Variants in WDR3 observed in about 807,000 individuals in gnomAD.
WDR3 encodes WD repeat-containing protein 3.
A neutral mutation model predicts 123.7 loss-of-function variants in WDR3; 81 were observed. The observed-to-expected ratio is 0.65, with a 90% CI of 0.55 to 0.79. The LOEUF is 0.79. Among genes scored for constraint, WDR3 ranks in the 30% least tolerant of loss-of-function variants. The pLI is 0.00. For synonymous variants in WDR3, 390 were observed against 388.8 expected, an observed-to-expected ratio of 1.00 and a Z score of -0.04; for missense variants, 1,027 against 1,123.2, an observed-to-expected ratio of 0.91 and a Z score of 1.22.
rs183709573 is a variant in WDR3, at chr1:117,954,130, C to T, written c.2361+31C>T. 6.2e-5 allele frequency: 97 copies of T among 1,556,174 alleles called. No individual in the cohort carries two copies. The African/African-American group carries it at 1.0e-3, about 17-fold the overall frequency. ...AAGAGAGTACAGTAAGTTACAGTATCAATAAAGGGAATTCCCAAGGAGAAA... is the reference window on the plus strand; with the variant it reads ...AAGAGAGTACAGTAAGTTACAGTATTAATAAAGGGAATTCCCAAGGAGAAA... On this transcript the variant is annotated intron_variant, in intron 22 of 26. Transcript: ENST00000349139.
At chr1:117,957,485 A>AG (rs1363313191) in intron 25 of WDR3, among the ~76,000 whole-genome samples, 1 of 152,218 alleles carries the variant, frequency 6.6e-6, no homozygotes, top group Admixed American at 6.5e-5. Context: ...ACTCAGTCAT[A>AG]GGCCTCCATG....
Position 117,961,946 on chromosome 1 carries a change from T to C in WDR3, c.*2499T>C, listed in dbSNP as rs1388442555. On this transcript the variant is annotated 3_prime_UTR_variant, in exon 27 of 27. Transcript: ENST00000349139. ...AATTTTTTATGAGAACAGAAGTTGA[T>C]TCAATATCCTTCTTAGAGTTGCTCA... 1 of 152,030 alleles carries C rather than the reference T, an allele frequency of 6.6e-6. No homozygotes were observed. Among genetic ancestry groups the C allele is most frequent in the Non-Finnish European group, 1.5e-5 (1 of 68,002 alleles). 9.4% of individuals were successfully genotyped at this position (152,030 alleles called of 1,614,324 possible).
In WDR3 at chr1:117,952,530, T is replaced by G. The variant is rs2295630; in HGVS notation, c.2019T>G (p.Gly673=). The change falls in exon 19 of 27, where the codon GGT becomes GGG. Residue 673 remains glycine, a splice_region_variant and synonymous_variant. Coordinates refer to ENST00000349139, the MANE Select transcript of WDR3 (RefSeq NM_006784.3). ...DKFEHIQTLE[G]HHQEIWCLAV... Reference sequence around the variant, plus strand: ...TTTATTTTTTTTTTCTCCTCCAGGGTCATCACCAGGAAATATGGTGTTTGG... The same window carrying G: ...TTTATTTTTTTTTTCTCCTCCAGGGGCATCACCAGGAAATATGGTGTTTGG... 0.023 allele frequency: 36,928 copies of G among 1,609,392 alleles called. 1,508 individuals are homozygous for G. Among genetic ancestry groups the G allele is most frequent in the African/African-American group, 0.12 (9,174 of 74,584 alleles).
chr1:117,952,563 C>A lies in WDR3; in HGVS notation c.2052C>A (p.Ser684Arg). The A allele has an allele frequency of 6.2e-7, 1 of 1,613,360 alleles. No homozygotes were observed. Among genetic ancestry groups the A allele is most frequent in the South Asian group, 1.1e-5 (1 of 90,976 alleles). ...AGGAAATATGGTGTTTGGCTGTAAG[C>A]CCCAGTGGAGACTATGTTGTATCAT... is the stretch of plus-strand genomic sequence containing the variant. ...HHQEIWCLAVSPSGDYVVSSS... is the reference protein window; with the variant it reads ...HHQEIWCLAVRPSGDYVVSSS... Residue 684 changes from serine to arginine, a missense_variant, in exon 19 of 27, where the codon AGC becomes AGA. Physicochemically the swap from Ser to Arg is moderately radical, Grantham distance 110 (BLOSUM62 -1). Transcript: ENST00000349139.
chr1:117,933,592 G>A, intron 2 of WDR3, 102 bp downstream of exon 2: 1 of 1,489,550 alleles, frequency 6.7e-7, no homozygotes. Flanking sequence ...GAGTTTTTTT[G>A]TGTCTGTGCC....
At chr1:117,936,950 T>C in intron 4 of WDR3, 63 bp downstream of exon 4, 1 of 1,401,512 alleles carries the variant, frequency 7.1e-7, no homozygotes, top group South Asian at 1.2e-5. Flanking sequence ...CTTTATTCCT[T>C]ACTCATTTCT....
At chr1:117,942,775 C>T (rs915236257) in intron 10 of WDR3, among the ~76,000 whole-genome samples, 1 of 151,500 alleles carries the variant, frequency 6.6e-6, no homozygotes, top group Non-Finnish European at 1.5e-5. Context: ...TCTTTTCCTG[C>T]AGCTAATTTA....
At position 117,960,035 on chromosome 1, in the gene WDR3, A is replaced by AT. The variant is rs925259780; in HGVS notation, c.*589dup. Reference sequence around the variant, plus strand: ...TTGCTAACTGTTTATACTTTTCTGAATAAAATAGTTGTTTCTAATTAAAAA... The same window carrying AT: ...TTGCTAACTGTTTATACTTTTCTGAATTAAAATAGTTGTTTCTAATTAAAAA... On this transcript the variant is annotated 3_prime_UTR_variant, in exon 27 of 27. Coordinates refer to ENST00000349139, the MANE Select transcript of WDR3 (RefSeq NM_006784.3). 1.3e-5 allele frequency: 2 copies of AT among 152,270 alleles called. No individual in the cohort carries two copies. Among genetic ancestry groups the AT allele is most frequent in the Admixed American group, 1.3e-4 (2 of 15,300 alleles). The allele number at this position is 152,270 out of a possible 1,614,324, so 9.4% of individuals were successfully genotyped here.
In WDR3 at chr1:117,943,531, T is replaced by C. The variant is rs896840836; in HGVS notation, c.1233T>C (p.Ile411=). Reference sequence around the variant, plus strand: ...CTGTCAGGACAAGCAGAATCACTATTGGGGGTCATCGCAGTGATGTGCGGA... The same window carrying C: ...CTGTCAGGACAAGCAGAATCACTATCGGGGGTCATCGCAGTGATGTGCGGA... ...PQPVRTSRIT[I]GGHRSDVRTL... Residue 411 remains isoleucine, a synonymous_variant, in exon 11 of 27, where the codon ATT becomes ATC. Transcript: ENST00000349139. The C allele has an allele frequency of 1.9e-6, 3 of 1,614,138 alleles. No individual in the cohort carries two copies. Among genetic ancestry groups the C allele is most frequent in the Admixed American group, 1.7e-5 (1 of 60,000 alleles).
Position 117,966,278 on chromosome 1 carries a change from A to G in WDR3, c.*6831A>G, listed in dbSNP as rs970121226. 4 of 183,698 alleles carry G rather than the reference A, an allele frequency of 2.2e-5. No homozygotes were observed. 11.4% of individuals were successfully genotyped at this position (183,698 alleles called of 1,614,324 possible). On this transcript the variant is annotated 3_prime_UTR_variant, in exon 27 of 27. Transcript: ENST00000349139. Reference sequence around the variant, plus strand: ...CAGTGAATACCCAACCTTTATAATAATAAGGTATTTCCTATCCTTCCATAA... The same window carrying G: ...CAGTGAATACCCAACCTTTATAATAGTAAGGTATTTCCTATCCTTCCATAA...
intron 3 of WDR3, among the ~76,000 whole-genome samples, chr1:117,935,359 A>G (rs1198250143): frequency 6.6e-6 from 1 of 152,084 alleles, no homozygotes; most frequent in Non-Finnish European, 1.5e-5. Flanking sequence ...GAAACACTAA[A>G]ATTTGGGAAG....
At position 117,949,645 on chromosome 1, in the gene WDR3, C is replaced by A. The variant is rs1306848237; in HGVS notation, c.1525-106C>A. ...GAACCACGTTTTTCTTAATTTTTAT[C>A]CCATGACGTTAAATAAAAATACTTT... On this transcript the variant is annotated intron_variant, in intron 13 of 26. Coordinates refer to ENST00000349139, the MANE Select transcript of WDR3 (RefSeq NM_006784.3). 5 of 1,269,500 alleles carry A rather than the reference C, an allele frequency of 3.9e-6. No individual in the cohort carries two copies. The African/African-American group carries it at 7.6e-5, about 19-fold the overall frequency. 78.6% of individuals were successfully genotyped at this position (1,269,500 alleles called of 1,614,324 possible).
chr1:117,954,764 G>A, intron 23 of WDR3, 137 bp downstream of exon 23: 2 of 926,028 alleles, frequency 2.2e-6, no homozygotes, highest in Non-Finnish European at 3.2e-6. Flanking sequence ...TTGAATCTTG[G>A]CATTCTCTAG....
rs201583974 is a variant in WDR3 at position 117,943,424 on chromosome 1, G to A, written c.1126G>A (p.Gly376Arg). Residue 376 changes from glycine (G) to arginine (R), a missense_variant, in exon 11 of 27, where the codon GGA becomes AGA. Coordinates refer to ENST00000349139, the MANE Select transcript of WDR3 (RefSeq NM_006784.3). Reference sequence around the variant, plus strand: ...CTTTGACTTGATTCATTCACCTCACGGAGAGTTAAAGGCTGTCTTCCTGCT... The same window carrying A: ...CTTTGACTTGATTCATTCACCTCACAGAGAGTTAAAGGCTGTCTTCCTGCT... Reference protein sequence around the residue: ...KSFDLIHSPHGELKAVFLLQN... With the variant: ...KSFDLIHSPHRELKAVFLLQN... 2.7e-5 allele frequency: 43 copies of A among 1,613,830 alleles called. No individual in the cohort carries two copies. Among genetic ancestry groups the A allele is most frequent in the Non-Finnish European group, 3.4e-5 (40 of 1,179,988 alleles).
chr1:117,964,034 C>A lies in WDR3; in HGVS notation c.*4587C>A. The A allele has an allele frequency of 7.2e-7, 1 of 1,390,634 alleles. No homozygotes were observed. The highest frequency in any genetic ancestry group is 9.8e-7 in the Non-Finnish European group (1 of 1,019,282). The allele number at this position is 1,390,634 out of a possible 1,614,324, so 86.1% of individuals were successfully genotyped here. ...TAGAATCATAGAATTTCTTCTCTGG[C>A]AACATCAGTTCAATTTTAGGTAACT... is the stretch of plus-strand genomic sequence containing the variant. On this transcript the variant is annotated 3_prime_UTR_variant, in exon 27 of 27. Coordinates refer to ENST00000349139, the MANE Select transcript of WDR3 (RefSeq NM_006784.3).
Position 117,939,494 on chromosome 1 carries a change from G to A in WDR3, c.597G>A (p.Leu199=). 1 of 1,609,002 alleles carries A rather than the reference G, an allele frequency of 6.2e-7. No homozygotes were observed. The part of the protein sequence containing the change: ...GHRTEVWGLV[L]LSEEKRLITG... ...TTCTATAGGTATGGGGGTTGGTTCTGTTGTCAGAAGAAAAGCGACTCATCA... is the reference window on the plus strand; with the variant it reads ...TTCTATAGGTATGGGGGTTGGTTCTATTGTCAGAAGAAAAGCGACTCATCA... Residue 199 remains leucine (L), a synonymous_variant, in exon 6 of 27, where the codon CTG becomes CTA. Transcript: ENST00000349139.
chr1:117,948,760 C>G (rs1323859383), intron 13 of WDR3, among the ~76,000 whole-genome samples: 1 of 152,188 alleles, frequency 6.6e-6, no homozygotes, highest in East Asian at 1.9e-4. Context: ...TGTAATACTT[C>G]TTAAGGGGGA....
At chr1:117,933,022 C>T (rs1650787915) in intron 1 of WDR3, among the ~76,000 whole-genome samples, 1 of 149,384 alleles carries the variant, frequency 6.7e-6, no homozygotes, top group African/African-American at 2.5e-5. Context: ...TGGTGAAACC[C>T]CATCTCTACT....
rs112268636 is a variant in WDR3, at chr1:117,945,557, A to G, written c.1329-529A>G. Among the ~76,000 whole-genome samples, 420 of 152,300 alleles carry G rather than the reference A, an allele frequency of 2.8e-3. 2 individuals carry two copies. The highest frequency in any genetic ancestry group is 9.5e-3 in the African/African-American group (393 of 41,550). On this transcript the variant is annotated intron_variant, in intron 11 of 26. Coordinates refer to ENST00000349139, the MANE Select transcript of WDR3 (RefSeq NM_006784.3). ...AACACCTGATATACCAAATATTTAG[A>G]TATTTATTATTCCCAAAGAATGTTA...
Sources: gnomAD v4.1 joint callset for allele counts (sites outside exome capture counted in the v4.1 genomes callset) on GRCh38, gnomAD v4.1.1 for gene constraint, MANE v1.5 for transcripts, NCBI Gene and HGNC (gene_info 2026-07-23, HGNC 2026-07-21) for gene names.